The following ZSCAN5B variants were observed in gnomAD, a reference collection of about 807,000 sequenced individuals.
ZSCAN5B encodes zinc finger and SCAN domain-containing protein 5B.
Under a neutral mutation model 25.2 loss-of-function variants are expected in ZSCAN5B, and 26 were observed. That is an observed-to-expected ratio of 1.03 (90% CI 0.76 to 1.43). The LOEUF (loss-of-function observed/expected upper bound fraction) is 1.43, where lower values mean the gene tolerates loss of function less well. Among genes scored for constraint, ZSCAN5B ranks in the 40% most tolerant of loss-of-function variants. ZSCAN5B has a pLI of 0.00. For missense variants in ZSCAN5B, 745 were observed against 622.1 expected (o/e 1.20, Z -2.10); for synonymous variants, 244 against 240.9 (o/e 1.01, Z -0.12).
intron 1 of ZSCAN5B, among the ~76,000 whole-genome samples, chr19:56,194,905 AT>A (rs921138103): frequency 3.1e-4 from 47 of 151,872 alleles, no homozygotes; most frequent in African/African-American, 1.0e-3. Context: ...GCACAGCCCA[AT>A]TTTTTTTTCT....
At chr19:56,196,891 G>T (rs550027101) in intron 1 of ZSCAN5B, among the ~76,000 whole-genome samples, 27 of 152,338 alleles carry the variant, frequency 1.8e-4, no homozygotes, top group African/African-American at 6.0e-4. Context: ...TGCTCAGAAA[G>T]CGGAGATCGA....
At chr19:56,194,077 A>G (rs927714781) in intron 1 of ZSCAN5B, among the ~76,000 whole-genome samples, 4 of 152,276 alleles carry the variant, frequency 2.6e-5, no homozygotes, top group Non-Finnish European at 5.9e-5. Context: ...TATGTTGTGC[A>G]ACCATCACCA....
At chr19:56,194,492 C>G (rs550466979) in intron 1 of ZSCAN5B, among the ~76,000 whole-genome samples, 53 of 152,252 alleles carry the variant, frequency 3.5e-4, no homozygotes, top group African/African-American at 1.1e-3. Flanking sequence ...GATGGGGTTT[C>G]GCCATGTTGC....
At chr19:56,191,065 T>C in intron 3 of ZSCAN5B, 78 bp from the exon 4 acceptor site, 1 of 1,592,110 alleles carries the variant, frequency 6.3e-7, no homozygotes, top group Non-Finnish European at 8.5e-7. Flanking sequence ...CCCTCCTGAC[T>C]GGACACACCA....
intron 2 of ZSCAN5B, among the ~76,000 whole-genome samples, chr19:56,192,322 A>G (rs1025380211): frequency 6.6e-5 from 10 of 152,160 alleles, no homozygotes; most frequent in South Asian, 2.1e-4. Flanking sequence ...TCAATTGGCC[A>G]ATGGCAGCTC....
chr19:56,192,940 C>A (rs765923750), exon 2 of ZSCAN5B: 1 of 1,613,704 alleles, frequency 6.2e-7, no homozygotes, highest in Non-Finnish European at 8.5e-7. Context: ...CTCAGGGTTC[C>A]TGTCGTGATT....
chr19:56,191,953 G>C (rs1214366532), exon 3 of ZSCAN5B: 7 of 1,613,844 alleles, frequency 4.3e-6, no homozygotes, highest in Non-Finnish European at 5.1e-6. Context: ...CCACTGGCTG[G>C]ACACGTCTCT....
At chr19:56,193,745 G>A (rs113940790) in intron 1 of ZSCAN5B, among the ~76,000 whole-genome samples, 1 of 152,040 alleles carries the variant, frequency 6.6e-6, no homozygotes, top group Non-Finnish European at 1.5e-5. Context: ...GGTGGATCAC[G>A]AGGTCAGGAG....
At chr19:56,195,960 A>G (rs1269681241) in intron 1 of ZSCAN5B, among the ~76,000 whole-genome samples, 1 of 152,172 alleles carries the variant, frequency 6.6e-6, no homozygotes, top group Non-Finnish European at 1.5e-5. Context: ...CTTGGGTCCA[A>G]GTGATCCTCC....
intron 3 of ZSCAN5B, among the ~76,000 whole-genome samples, chr19:56,191,557 G>A (rs565554469): frequency 1.3e-5 from 2 of 152,178 alleles, no homozygotes; most frequent in Non-Finnish European, 2.9e-5. Context: ...ACTGGATGGG[G>A]TAGGGACCTT....
Position 56,197,786 on chromosome 19 carries a change from C to T in ZSCAN5B, c.-180G>A. ...TCTCGGTCTGGGATGCGCTCTCCAA[C>T]CGGCCTGGAGCTGAACTGCGTCTAT... On this transcript the variant is annotated 5_prime_UTR_variant, in exon 1 of 5. Coordinates refer to ENST00000586855, the Ensembl canonical transcript of ZSCAN5B. 2.0e-6 allele frequency: 2 copies of T among 985,420 alleles called. No homozygotes were observed. The highest frequency in any genetic ancestry group is 1.1e-4 in the East Asian group (1 of 8,810). 61.0% of individuals were successfully genotyped at this position (985,420 alleles called of 1,614,324 possible). A position where few individuals can be genotyped will look rare whatever the true frequency, so the allele number is the denominator to read the frequency against.
chr19:56,194,851 C>A (rs866920223), intron 1 of ZSCAN5B, among the ~76,000 whole-genome samples: 67 of 152,296 alleles, frequency 4.4e-4, no homozygotes, highest in Admixed American at 5.9e-4. Context: ...GGGTGACATG[C>A]CTCGGCCTCC....
At chr19:56,190,521 T>C in exon 5 of ZSCAN5B, 1 of 1,613,742 alleles carries the variant, frequency 6.2e-7, no homozygotes, top group South Asian at 1.1e-5. Flanking sequence ...AGCATCCACA[T>C]TTTCCACAGA....
chr19:56,190,653 C>G, intron 4 of ZSCAN5B, 78 bp from the exon 5 acceptor site: 1 of 1,563,286 alleles, frequency 6.4e-7, no homozygotes, highest in Non-Finnish European at 8.6e-7. Flanking sequence ...CAACCAAACA[C>G]TGACCTTGGC....
chr19:56,190,073 G>A lies in ZSCAN5B; in HGVS notation c.1242C>T (p.Asp414=), dbSNP rs199617146. The change falls in exon 5 of 5, where the codon GAC becomes GAT. Residue 414 remains aspartate, a synonymous_variant. Coordinates refer to ENST00000586855, the Ensembl canonical transcript of ZSCAN5B. ...CGTGGGCGAACCGCTTTTGGCAGAC[G>A]TCACACATGTAGGGCCTCTCGCCAG... 1.7e-4 allele frequency: 282 copies of A among 1,613,988 alleles called. No individual in the cohort carries two copies. The African/African-American group carries it at 3.1e-3, about 18-fold the overall frequency.
At chr19:56,192,546 T>G in intron 2 of ZSCAN5B, 123 bp downstream of exon 2, 1 of 1,484,226 alleles carries the variant, frequency 6.7e-7, no homozygotes, top group Admixed American at 2.3e-5. Context: ...GTATCCCCTC[T>G]GCCTGTCCAT....
At chr19:56,197,603 C>G (rs2032826642) in intron 1 of ZSCAN5B, 131 bp downstream of exon 1, 1 of 316,480 alleles carries the variant, frequency 3.2e-6, no homozygotes, top group Non-Finnish European at 4.6e-6. Flanking sequence ...TCATGGGGTG[C>G]AAAGGAGACC....
chr19:56,192,251 T>C (rs974202701), intron 2 of ZSCAN5B, among the ~76,000 whole-genome samples, 198 bp from the exon 3 acceptor site: 1 of 152,144 alleles, frequency 6.6e-6, no homozygotes, highest in African/African-American at 2.4e-5. Context: ...TATGAGTCAT[T>C]TAGATGAAAG....
chr19:56,193,994 C>A (rs572768183), intron 1 of ZSCAN5B, among the ~76,000 whole-genome samples: 15 of 151,984 alleles, frequency 9.9e-5, no homozygotes, highest in African/African-American at 3.6e-4. Context: ...GAATTAAGCT[C>A]CTGCACAGAT....
Sources: gnomAD v4.1 joint callset for allele counts (sites outside exome capture counted in the v4.1 genomes callset) on GRCh38, gnomAD v4.1.1 for gene constraint, MANE v1.5 for transcripts, NCBI Gene and HGNC (gene_info 2026-07-23, HGNC 2026-07-21) for gene names.